The following DDHD1 variants were observed in gnomAD, a reference collection of about 807,000 sequenced individuals.
DDHD1 encodes phospholipase DDHD1.
Under a neutral mutation model 96.4 loss-of-function variants are expected in DDHD1, and 49 were observed. The observed-to-expected ratio is 0.51, with a 90% CI of 0.40 to 0.64. DDHD1 has a LOEUF of 0.64. Ranked by LOEUF, DDHD1 falls within the 30% of genes least tolerant of loss-of-function variation. The pLI is 0.00. For synonymous variants in DDHD1, 442 were observed against 446.5 expected, an observed-to-expected ratio of 0.99 and a Z score of 0.13; for missense variants, 1,106 against 1,161.2, an observed-to-expected ratio of 0.95 and a Z score of 0.69.
intron 4 of DDHD1, among the ~76,000 whole-genome samples, chr14:53,074,186 T>C (rs1304204875): frequency 6.6e-6 from 1 of 151,992 alleles, no homozygotes; most frequent in Non-Finnish European, 1.5e-5. Flanking sequence ...TCATGCCCTA[T>C]CTTGTTTCAT....
At position 53,041,868 on chromosome 14, in the gene DDHD1, CA is replaced by C. The variant is rs1304957060; in HGVS notation, c.*4899del. The C allele has an allele frequency of 6.6e-6, 1 of 151,624 alleles. No individual in the cohort carries two copies. The highest frequency in any genetic ancestry group is 1.5e-5 in the Non-Finnish European group (1 of 67,988). 9.4% of individuals were successfully genotyped at this position (151,624 alleles called of 1,614,324 possible). The stretch of plus-strand genomic sequence containing the variant: ...ATGCTTTAATCTGAGCTTAAAGCAT[CA>C]GATTACAGAGGTGTATGTGTGGAGG... On this transcript the variant is annotated 3_prime_UTR_variant, in exon 13 of 13. Coordinates refer to ENST00000673822, the MANE Select transcript of DDHD1 (RefSeq NM_001160148.2).
intron 6 of DDHD1, among the ~76,000 whole-genome samples, chr14:53,067,459 CTTTT>C (rs774228803): frequency 3.0e-5 from 4 of 134,714 alleles, no homozygotes; most frequent in Non-Finnish European, 4.9e-5. Flanking sequence ...TGTCTAGCCT[CTTTT>C]TTTTTTTTTT....
intron 4 of DDHD1, among the ~76,000 whole-genome samples, chr14:53,081,381 G>A (rs1885456041): frequency 6.6e-6 from 1 of 152,164 alleles, no homozygotes; most frequent in African/African-American, 2.4e-5. Context: ...TGATGGCTGT[G>A]TAGTTCTTAT....
chr14:53,141,810 T>C (rs187166198), intron 1 of DDHD1, among the ~76,000 whole-genome samples: 3 of 152,286 alleles, frequency 2.0e-5, no homozygotes, highest in Admixed American at 6.5e-5. Flanking sequence ...AAAATATATA[T>C]AGTACATGTG....
chr14:53,101,598 TAAC>T (rs1342633388), intron 2 of DDHD1, among the ~76,000 whole-genome samples: 3 of 151,978 alleles, frequency 2.0e-5, no homozygotes, highest in Non-Finnish European at 4.4e-5. Flanking sequence ...TCCATAAAGA[TAAC>T]AAAAAATATT....
Position 53,044,672 on chromosome 14 carries a change from C to G in DDHD1, c.*2096G>C, listed in dbSNP as rs960414152. The G allele has an allele frequency of 6.6e-6, 1 of 152,136 alleles. No individual in the cohort carries two copies. Among genetic ancestry groups the G allele is most frequent in the Non-Finnish European group, 1.5e-5 (1 of 68,028 alleles). The allele number at this position is 152,136 out of a possible 1,614,324, so 9.4% of individuals were successfully genotyped here. ...GCTTTGCTAAGATTTCATCAAAAGC[C>G]TTTTATAGCAAGGGTTTCTTAGTGA... On this transcript the variant is annotated 3_prime_UTR_variant, in exon 13 of 13. Coordinates refer to ENST00000673822, the MANE Select transcript of DDHD1 (RefSeq NM_001160148.2).
At chr14:53,152,113 G>GATGGTTGGAGTGTAGAT in intron 1 of DDHD1, 148 bp downstream of exon 1, 9 of 833,722 alleles carry the variant, frequency 1.1e-5, no homozygotes, top group South Asian at 7.8e-5. Flanking sequence ...AGCTGCCGAC[G>GATGGTTGGAGTGTAGAT]CTCCCTGCTC....
intron 2 of DDHD1, among the ~76,000 whole-genome samples, chr14:53,096,734 A>AT (rs1339678129): frequency 5.3e-5 from 8 of 152,034 alleles, no homozygotes; most frequent in African/African-American, 1.7e-4. Flanking sequence ...CCTTAGGGAA[A>AT]AAAAAAAATT....
chr14:53,143,978 A>G (rs8011331), intron 1 of DDHD1, among the ~76,000 whole-genome samples: 116,518 of 152,120 alleles, frequency 0.77, 46,105 homozygotes, highest in East Asian at 0.96. Flanking sequence ...TTGATGGATT[A>G]TAGGTCTTTC....
chr14:53,102,432 G>A (rs1353225951), intron 2 of DDHD1, among the ~76,000 whole-genome samples: 6 of 151,976 alleles, frequency 3.9e-5, no homozygotes, highest in African/African-American at 7.2e-5. Flanking sequence ...TGATTCTACC[G>A]ATTAGGAAAA....
chr14:53,087,796 A>C (rs920443302), intron 4 of DDHD1, among the ~76,000 whole-genome samples: 24 of 152,234 alleles, frequency 1.6e-4, no homozygotes, highest in African/African-American at 5.5e-4. Context: ...GCAGAAGGCA[A>C]GAAATAACTA....
intron 5 of DDHD1, 62 bp downstream of exon 5, chr14:53,073,679 C>T: frequency 7.1e-7 from 1 of 1,407,180 alleles, no homozygotes; most frequent in Non-Finnish European, 9.8e-7. Flanking sequence ...CTAAAACTTT[C>T]TGCATTTATT....
chr14:53,052,567 C>T (rs1660136873), intron 11 of DDHD1: 1 of 151,940 alleles, frequency 6.6e-6, no homozygotes, highest in South Asian at 2.1e-4. Flanking sequence ...GCCAAGACAG[C>T]ACTTAACGAC....
chr14:53,152,113 G>GAGAATACAGGTGTAGAT, intron 1 of DDHD1, 148 bp downstream of exon 1: 9 of 833,734 alleles, frequency 1.1e-5, no homozygotes, highest in Admixed American at 6.4e-5. Flanking sequence ...AGCTGCCGAC[G>GAGAATACAGGTGTAGAT]CTCCCTGCTC....
chr14:53,108,022 C>G (rs905355470), intron 1 of DDHD1, among the ~76,000 whole-genome samples: 3 of 152,202 alleles, frequency 2.0e-5, no homozygotes, highest in African/African-American at 7.2e-5. Context: ...CTCTTTGGGT[C>G]CCCTCCCTTT....
At chr14:53,096,622 C>G (rs112920664) in intron 2 of DDHD1, among the ~76,000 whole-genome samples, 2,950 of 151,908 alleles carry the variant, frequency 0.019, 103 homozygotes, top group African/African-American at 0.068. Context: ...ATTGAAAATG[C>G]AATAAATAAC....
intron 2 of DDHD1, among the ~76,000 whole-genome samples, chr14:53,099,052 T>C (rs919745424): frequency 6.6e-6 from 1 of 152,090 alleles, no homozygotes; most frequent in Non-Finnish European, 1.5e-5. Flanking sequence ...TCCCATCTGT[T>C]TTTTGTATCT....
At chr14:53,130,747 G>A (rs1366890976) in intron 1 of DDHD1, among the ~76,000 whole-genome samples, 2 of 152,174 alleles carry the variant, frequency 1.3e-5, no homozygotes, top group African/African-American at 4.8e-5. Flanking sequence ...TCCCATCTGT[G>A]TGGGGCCCCA....
At position 53,152,452 on chromosome 14, in the gene DDHD1, C is replaced by T. The variant is rs1891482966; in HGVS notation, c.647G>A (p.Cys216Tyr). The T allele has an allele frequency of 1.2e-6, 2 of 1,613,200 alleles. No homozygotes were observed. The highest frequency in any genetic ancestry group is 1.7e-5 in the Admixed American group (1 of 59,972). ...ACTGGAGGCTGGGCCCGTGGGGGAG[C>T]ACACATGGTCGCCGTCCCGGTCCCC... The part of the protein sequence containing the change: ...QGGDRDGDHV[C>Y]SPTGPASSSG... The change falls in exon 1 of 13, where the codon TGC becomes TAC. Residue 216 changes from cysteine (C) to tyrosine (Y), a missense_variant. Coordinates refer to ENST00000673822, the MANE Select transcript of DDHD1 (RefSeq NM_001160148.2).
Sources: gnomAD v4.1 joint callset for allele counts (sites outside exome capture counted in the v4.1 genomes callset) on GRCh38, gnomAD v4.1.1 for gene constraint, MANE v1.5 for transcripts, NCBI Gene and HGNC (gene_info 2026-07-23, HGNC 2026-07-21) for gene names.